Variants in SHISA6 observed in about 807,000 individuals in gnomAD.
The protein encoded by SHISA6 is protein shisa-6.
Under a neutral mutation model 47.9 loss-of-function variants are expected in SHISA6, and 22 were observed. The observed-to-expected ratio is 0.46, with a 90% CI of 0.33 to 0.66. SHISA6 has a LOEUF of 0.66. Among genes scored for constraint, SHISA6 ranks in the 30% least tolerant of loss-of-function variants. SHISA6 has a pLI of 0.02. For synonymous variants in SHISA6, 388 were observed against 337.8 expected (o/e 1.15, Z -1.63); for missense variants, 680 against 764.6 (o/e 0.89, Z 1.30).
intron 3 of SHISA6, among the ~76,000 whole-genome samples, chr17:11,475,794 C>T (rs1380387261): frequency 6.6e-6 from 1 of 151,904 alleles, no homozygotes; most frequent in Non-Finnish European, 1.5e-5. Context: ...TAGGGTAATA[C>T]TGGCCTCACA....
At chr17:11,262,203 C>T (rs989549192) in intron 1 of SHISA6, among the ~76,000 whole-genome samples, 1 of 152,180 alleles carries the variant, frequency 6.6e-6, no homozygotes, top group African/African-American at 2.4e-5. Context: ...ACAATTTACT[C>T]AGATGCATTT....
intron 2 of SHISA6, among the ~76,000 whole-genome samples, chr17:11,274,585 G>T (rs1367256672): frequency 6.6e-6 from 1 of 152,130 alleles, no homozygotes; most frequent in East Asian, 1.9e-4. Context: ...TTTTCCTCAT[G>T]GGCTTAATGT....
intron 2 of SHISA6, among the ~76,000 whole-genome samples, chr17:11,376,063 T>C (rs963172730): frequency 2.6e-5 from 4 of 152,156 alleles, no homozygotes; most frequent in Non-Finnish European, 5.9e-5. Flanking sequence ...ATATACATGG[T>C]TGTTTCTCTT....
chr17:11,447,375 A>G (rs1422303109), intron 3 of SHISA6, among the ~76,000 whole-genome samples: 1 of 152,196 alleles, frequency 6.6e-6, no homozygotes, highest in Admixed American at 6.5e-5. Flanking sequence ...AACATGGTGT[A>G]ATCTATGGGA....
chr17:11,521,173 T>C (rs2071626240), intron 3 of SHISA6, among the ~76,000 whole-genome samples: 1 of 152,256 alleles, frequency 6.6e-6, no homozygotes, highest in African/African-American at 2.4e-5. Context: ...CAAAAATTTC[T>C]TTATTAAGAT....
intron 2 of SHISA6, among the ~76,000 whole-genome samples, chr17:11,321,605 G>A (rs1333163585): frequency 6.6e-6 from 1 of 152,124 alleles, no homozygotes; most frequent in Non-Finnish European, 1.5e-5. Flanking sequence ...TGTATCTAAT[G>A]TAATTATTTA....
intron 3 of SHISA6, among the ~76,000 whole-genome samples, chr17:11,500,692 A>G (rs55663861): frequency 0.26 from 38,943 of 152,170 alleles, 5,306 homozygotes; most frequent in African/African-American, 0.34. Flanking sequence ...ATTAATTCAA[A>G]TGAAATCCCA....
At position 11,410,468 on chromosome 17, in the gene SHISA6, C is replaced by T. The variant is rs934788345; in HGVS notation, c.895+30959C>T. On this transcript the variant is annotated intron_variant, in intron 3 of 5. Transcript: ENST00000441885. ...CCAAATATGCACAGCTATTAAGTGG[C>T]AGAACTAGTATTTGAATTCAGGTCC... Among the ~76,000 whole-genome samples the T allele has an allele frequency of 2.0e-5, 3 of 152,126 alleles. No individual in the cohort carries two copies. The East Asian group carries it at 5.8e-4, about 29-fold the overall frequency.
chr17:11,352,619 T>G (rs1341643138), intron 2 of SHISA6, among the ~76,000 whole-genome samples: 1 of 152,090 alleles, frequency 6.6e-6, no homozygotes, highest in Non-Finnish European at 1.5e-5. Context: ...TTGGGGCGAT[T>G]GGGGAACCAA....
chr17:11,290,841 T>C (rs1026655719), intron 2 of SHISA6: 1 of 152,052 alleles, frequency 6.6e-6, no homozygotes, highest in Non-Finnish European at 1.5e-5. Flanking sequence ...ATGATACTGA[T>C]ATGTGAGGGT....
chr17:11,422,824 G>C (rs956800138), intron 3 of SHISA6, among the ~76,000 whole-genome samples: 2 of 151,492 alleles, frequency 1.3e-5, no homozygotes, highest in Non-Finnish European at 2.9e-5. Flanking sequence ...ACAGAGACTT[G>C]TCAGTAGCCT....
intron 2 of SHISA6, among the ~76,000 whole-genome samples, chr17:11,355,522 G>A (rs1912052009): frequency 6.6e-6 from 1 of 152,182 alleles, no homozygotes; most frequent in Non-Finnish European, 1.5e-5. Flanking sequence ...ACCACCCCCA[G>A]GCCTGATGGA....
intron 3 of SHISA6, among the ~76,000 whole-genome samples, chr17:11,407,250 C>T (rs1360491510): frequency 6.6e-6 from 1 of 151,888 alleles, no homozygotes; most frequent in Non-Finnish European, 1.5e-5. Flanking sequence ...GTTAGGTAAC[C>T]TGGCCAACAT....
chr17:11,432,399 A>C (rs1876909805), intron 3 of SHISA6, among the ~76,000 whole-genome samples: 1 of 152,196 alleles, frequency 6.6e-6, no homozygotes, highest in Non-Finnish European at 1.5e-5. Flanking sequence ...TACTTCATTG[A>C]AAGTCCTATA....
chr17:11,413,862 T>G (rs1309200226), intron 3 of SHISA6, among the ~76,000 whole-genome samples: 1 of 152,106 alleles, frequency 6.6e-6, no homozygotes, highest in African/African-American at 2.4e-5. Context: ...AGATCCCATC[T>G]CCTGATGGGA....
intron 2 of SHISA6, among the ~76,000 whole-genome samples, chr17:11,279,475 A>C (rs1042731601): frequency 6.6e-6 from 1 of 152,150 alleles, no homozygotes; most frequent in Admixed American, 6.5e-5. Context: ...AGGTGATCTC[A>C]GGCCATTTCC....
At chr17:11,553,928 CAG>C (rs1256656831) in intron 4 of SHISA6, among the ~76,000 whole-genome samples, 1 of 152,142 alleles carries the variant, frequency 6.6e-6, no homozygotes, top group Non-Finnish European at 1.5e-5. Context: ...GAATTTCATA[CAG>C]AAGAGTAAAG....
At chr17:11,496,662 C>CTGG (rs1270850604) in intron 3 of SHISA6, among the ~76,000 whole-genome samples, 1 of 151,638 alleles carries the variant, frequency 6.6e-6, no homozygotes, top group Non-Finnish European at 1.5e-5. Context: ...TCACTTGAAC[C>CTGG]TGGGAGGCGG....
At chr17:11,399,850 T>C (rs1175830942) in intron 3 of SHISA6, among the ~76,000 whole-genome samples, 1 of 152,196 alleles carries the variant, frequency 6.6e-6, no homozygotes, top group East Asian at 1.9e-4. Flanking sequence ...GGCAGAAAAC[T>C]AGATAAATTA....
Sources: gnomAD v4.1 joint callset for allele counts (sites outside exome capture counted in the v4.1 genomes callset) on GRCh38, gnomAD v4.1.1 for gene constraint, MANE v1.5 for transcripts, NCBI Gene and HGNC (gene_info 2026-07-23, HGNC 2026-07-21) for gene names.